Variants in DNAJC11 observed in about 807,000 individuals in gnomAD.
The protein encoded by DNAJC11 is dnaJ homolog subfamily C member 11.
A neutral mutation model predicts 78.6 loss-of-function variants in DNAJC11; 15 were observed. The observed-to-expected ratio is 0.19, with a 90% CI of 0.13 to 0.29. The LOEUF is 0.29. Among genes scored for constraint, DNAJC11 ranks in the 10% least tolerant of loss-of-function variants. DNAJC11 has a pLI of 1.00. For synonymous variants in DNAJC11, 292 were observed against 272.1 expected, an observed-to-expected ratio of 1.07 and a Z score of -0.72; for missense variants, 547 against 709.6, an observed-to-expected ratio of 0.77 and a Z score of 2.60.
intron 1 of DNAJC11, among the ~76,000 whole-genome samples, chr1:6,682,137 A>G (rs1035846963): frequency 1.4e-5 from 2 of 147,406 alleles, no homozygotes; most frequent in South Asian, 2.2e-4. Flanking sequence ...TCACAGAGAC[A>G]TAAGTTAGTC....
chr1:6,638,422 A>G, intron 11 of DNAJC11, 58 bp from the exon 12 acceptor site: 3 of 1,552,440 alleles, frequency 1.9e-6, no homozygotes, highest in Non-Finnish European at 2.6e-6. Flanking sequence ...CTTCCAGCCA[A>G]CACAGCCCCT....
At chr1:6,666,009 G>A (rs749023977) in intron 4 of DNAJC11, among the ~76,000 whole-genome samples, 4 of 152,142 alleles carry the variant, frequency 2.6e-5, no homozygotes, top group Non-Finnish European at 5.9e-5. Flanking sequence ...TCCCTGGCTC[G>A]GTTCACCCAG....
Position 6,634,522 on chromosome 1 carries a change from T to C in DNAJC11, c.*1153A>G, listed in dbSNP as rs764327678. Reference sequence around the variant, plus strand: ...GCAGCTTGGGGCCCCCCGCGCCAGCTGTCTCAGCCACCACCTGTGCGGCGC... The same window carrying C: ...GCAGCTTGGGGCCCCCCGCGCCAGCCGTCTCAGCCACCACCTGTGCGGCGC... On this transcript the variant is annotated 3_prime_UTR_variant, in exon 16 of 16. Transcript: ENST00000377577. 7.4e-7 allele frequency: 1 copy of C among 1,359,628 alleles called. No individual in the cohort carries two copies. The highest frequency in any genetic ancestry group is 9.8e-7 in the Non-Finnish European group (1 of 1,019,044). 84.2% of individuals were successfully genotyped at this position (1,359,628 alleles called of 1,614,324 possible).
At chr1:6,657,465 G>A (rs1570281120) in intron 4 of DNAJC11, among the ~76,000 whole-genome samples, 2 of 152,282 alleles carry the variant, frequency 1.3e-5, no homozygotes, top group Middle Eastern at 6.8e-3. Context: ...ACCCCTGTGA[G>A]CACCATCCCA....
intron 1 of DNAJC11, among the ~76,000 whole-genome samples, chr1:6,694,180 C>G (rs893232370): frequency 1.3e-5 from 2 of 152,142 alleles, no homozygotes; most frequent in African/African-American, 2.4e-5. Flanking sequence ...TCCTCTCCCC[C>G]TTTCCCCGGT....
At position 6,638,371 on chromosome 1, in the gene DNAJC11, C is replaced by G. The variant is rs756867738; in HGVS notation, c.1254-7G>C. On this transcript the variant is annotated splice_polypyrimidine_tract_variant and splice_region_variant and intron_variant, in intron 11 of 15. Coordinates refer to ENST00000377577, the MANE Select transcript of DNAJC11 (RefSeq NM_018198.4). The stretch of plus-strand genomic sequence containing the variant: ...CCTCTGCTTCTCCAATTCCCTTACG[C>G]GAGAGGAACACAAGCCCCACGTTAG... The G allele has an allele frequency of 6.2e-7, 1 of 1,612,612 alleles. No homozygotes were observed. The highest frequency in any genetic ancestry group is 2.2e-5 in the East Asian group (1 of 44,830).
At chr1:6,694,826 T>A (rs1354101066) in intron 1 of DNAJC11, among the ~76,000 whole-genome samples, 1 of 146,672 alleles carries the variant, frequency 6.8e-6, no homozygotes, top group African/African-American at 2.5e-5. Context: ...AAAAAAAAAA[T>A]TATCCAGGCA....
intron 4 of DNAJC11, among the ~76,000 whole-genome samples, chr1:6,663,625 A>G (rs1642251317): frequency 6.6e-6 from 1 of 152,182 alleles, no homozygotes; most frequent in Non-Finnish European, 1.5e-5. Flanking sequence ...AGTCAGGTCT[A>G]GTTTCGCATA....
At position 6,636,213 on chromosome 1, in the gene DNAJC11, C is replaced by T; in HGVS notation, c.1558G>A (p.Gly520Arg). ...GLPGFYDPCV[G>R]EEKNLKVLYQ... ...AGCACTTTCAGGTTCTTCTCTTCCCCCACACACGGGTCATAAAAGCCAGGC... is the reference window on the plus strand; with the variant it reads ...AGCACTTTCAGGTTCTTCTCTTCCCTCACACACGGGTCATAAAAGCCAGGC... Residue 520 changes from glycine to arginine, a missense_variant, in exon 15 of 16, where the codon GGG becomes AGG. Transcript: ENST00000377577. 6.2e-7 allele frequency: 1 copy of T among 1,614,142 alleles called. No individual in the cohort carries two copies.
chr1:6,649,058 T>C (rs1642012333), intron 7 of DNAJC11, among the ~76,000 whole-genome samples: 1 of 152,090 alleles, frequency 6.6e-6, no homozygotes, highest in South Asian at 2.1e-4. Flanking sequence ...AGTGGTGCAA[T>C]CTCAGCTCAT....
intron 1 of DNAJC11, among the ~76,000 whole-genome samples, chr1:6,693,833 C>CA (rs1185022424): frequency 7.3e-6 from 1 of 137,436 alleles, no homozygotes; most frequent in Non-Finnish European, 1.6e-5. Context: ...CAAGTACCCC[C>CA]ATTTTTTTTT....
At chr1:6,641,158 G>A (rs2148727929) in intron 10 of DNAJC11, among the ~76,000 whole-genome samples, 1 of 152,090 alleles carries the variant, frequency 6.6e-6, no homozygotes, top group South Asian at 2.1e-4. Flanking sequence ...GGCTGAGGCA[G>A]GAGGATCGCT....
chr1:6,663,224 A>T lies in DNAJC11; in HGVS notation c.378+4485T>A, dbSNP rs560614192. Among the ~76,000 whole-genome samples the T allele has an allele frequency of 2.6e-5, 4 of 152,292 alleles. No homozygotes were observed. In the South Asian group the frequency reaches 8.3e-4, roughly 32 times the overall value. The stretch of plus-strand genomic sequence containing the variant: ...CAGGAAATAATGTAAATCTCCATCA[A>T]ACTATTTTGTCATAGGGTCAAAAAA... On this transcript the variant is annotated intron_variant, in intron 4 of 15. Transcript: ENST00000377577.
intron 7 of DNAJC11, among the ~76,000 whole-genome samples, chr1:6,648,784 G>C (rs539295374): frequency 1.3e-5 from 2 of 152,094 alleles, no homozygotes; most frequent in African/African-American, 4.8e-5. Context: ...CAGCATCTGG[G>C]GTGACCAATC....
chr1:6,694,459 C>A (rs143625950), intron 1 of DNAJC11, among the ~76,000 whole-genome samples: 3 of 152,268 alleles, frequency 2.0e-5, no homozygotes, highest in African/African-American at 7.2e-5. Flanking sequence ...TATAAAAGTG[C>A]CTGCTTTCTG....
At chr1:6,649,242 T>C (rs1481034788) in intron 7 of DNAJC11, among the ~76,000 whole-genome samples, 1 of 151,900 alleles carries the variant, frequency 6.6e-6, no homozygotes, top group Non-Finnish European at 1.5e-5. Context: ...CGATCTCGGC[T>C]CACTGCAAGC....
intron 3 of DNAJC11, among the ~76,000 whole-genome samples, chr1:6,677,200 G>C (rs1226267427): frequency 6.6e-6 from 1 of 151,444 alleles, no homozygotes; most frequent in African/African-American, 2.4e-5. Context: ...AACTTCAAGG[G>C]TAATCTTACA....
At position 6,652,916 on chromosome 1, in the gene DNAJC11, A is replaced by G. The variant is rs1490152012; in HGVS notation, c.543T>C (p.Ser181=). 2 of 1,614,186 alleles carry G rather than the reference A, an allele frequency of 1.2e-6. No individual in the cohort carries two copies. The highest frequency in any genetic ancestry group is 1.7e-6 in the Non-Finnish European group (2 of 1,180,018). ...PLTATDTAIL[S]GSLSTQNGNG... The stretch of plus-strand genomic sequence containing the variant: ...TTCCATTCTGGGTTGAGAGGCTTCC[A>G]GAGAGGATGGCTGTGTCTGTCGCTG... The change falls in exon 6 of 16, where the codon TCT becomes TCC. Residue 181 remains serine (S), a synonymous_variant. Transcript: ENST00000377577.
chr1:6,665,231 C>T lies in DNAJC11; in HGVS notation c.378+2478G>A, dbSNP rs551143642. ...TACAGGTATGTGCCACTGTGCTCAG[C>T]TAATTTGTAAATATTTTGTAGAGAT... On this transcript the variant is annotated intron_variant, in intron 4 of 15. Transcript: ENST00000377577. Among the ~76,000 whole-genome samples, 123 of 152,154 alleles carry T rather than the reference C, an allele frequency of 8.1e-4. 1 individual carries two copies. Among genetic ancestry groups the T allele is most frequent in the Non-Finnish European group, 1.5e-3 (104 of 68,028 alleles).
Sources: allele counts gnomAD v4.1 joint callset (sites outside exome capture counted in the v4.1 genomes callset), GRCh38; gene constraint gnomAD v4.1.1; transcripts MANE v1.5; gene names NCBI Gene and HGNC (gene_info 2026-07-23, HGNC 2026-07-21).